The following LGSN variants were observed in gnomAD, a reference collection of about 807,000 sequenced individuals.
LGSN encodes the protein lengsin.
Under a neutral mutation model 19.5 loss-of-function variants are expected in LGSN, and 21 were observed. The ratio of observed to expected loss-of-function variants is 1.07; its 90% CI spans 0.76 to 1.55. The LOEUF (loss-of-function observed/expected upper bound fraction) is 1.55. LGSN is among the 40% of genes most tolerant of loss of function. LGSN has a pLI of 0.00. For synonymous variants in LGSN, 257 were observed against 215.6 expected (o/e 1.19, Z -1.68); for missense variants, 673 against 608.5 (o/e 1.11, Z -1.12).
chr6:63,432,178 A>AGG, the LGSN span, among the ~76,000 whole-genome samples: 45 of 92,572 alleles, frequency 4.9e-4, 1 homozygote, highest in South Asian at 1.2e-3. Flanking sequence ...AGAAAAGGAA[A>AGG]GAAAGAAAAG....
At chr6:63,492,714 C>T in the LGSN span, among the ~76,000 whole-genome samples, 81,546 of 152,050 alleles carry the variant, frequency 0.54, 23,690 homozygotes, top group African/African-American at 0.77. Flanking sequence ...AGCATGTACT[C>T]GAGGAAGACA....
chr6:63,406,155 C>T, the LGSN span, among the ~76,000 whole-genome samples: 4 of 152,184 alleles, frequency 2.6e-5, no homozygotes, highest in Non-Finnish European at 4.4e-5. Flanking sequence ...AGGAATTGAA[C>T]TCAGCTCTGC....
At chr6:63,443,383 T>TC in the LGSN span, 1,331 of 155,254 alleles carry the variant, frequency 8.6e-3, 23 homozygotes, top group African/African-American at 0.03. Flanking sequence ...AGAGAGGGGT[T>TC]CCCACAGTGC....
chr6:63,367,704 A>G, the LGSN span, among the ~76,000 whole-genome samples: 1 of 144,930 alleles, frequency 6.9e-6, no homozygotes, highest in African/African-American at 2.9e-5. Context: ...ATGTCCAACA[A>G]TGATAGAGTG....
the LGSN span, among the ~76,000 whole-genome samples, chr6:63,326,571 G>C: frequency 6.6e-6 from 1 of 152,076 alleles, no homozygotes; most frequent in African/African-American, 2.4e-5. Context: ...GGCATGGCGG[G>C]CTGCAGGTCC....
At chr6:63,284,895 A>C (rs1767464813) in intron 3 of LGSN, among the ~76,000 whole-genome samples, 1 of 152,208 alleles carries the variant, frequency 6.6e-6, no homozygotes, top group Non-Finnish European at 1.5e-5. Flanking sequence ...ATATTTTTAA[A>C]CAGTTAAACC....
chr6:63,457,300 T>G, the LGSN span, among the ~76,000 whole-genome samples: 2 of 151,604 alleles, frequency 1.3e-5, no homozygotes, highest in Admixed American at 1.3e-4. Context: ...AGGTCAGGAG[T>G]TCGAGACCAG....
At chr6:63,572,718 C>T in the LGSN span, 1 of 398,664 alleles carries the variant, frequency 2.5e-6, no homozygotes, top group East Asian at 3.6e-5. Flanking sequence ...AAACATATTC[C>T]TGTGAGTAGC....
the LGSN span, among the ~76,000 whole-genome samples, chr6:63,338,289 C>T: frequency 7.9e-5 from 12 of 152,250 alleles, no homozygotes; most frequent in African/African-American, 1.7e-4. Flanking sequence ...AACATCACCA[C>T]GATTGAGATC....
At chr6:63,564,862 C>T in the LGSN span, among the ~76,000 whole-genome samples, 1 of 152,192 alleles carries the variant, frequency 6.6e-6, no homozygotes, top group Admixed American at 6.5e-5. Flanking sequence ...TCTTCTCAAA[C>T]TAGATTCCTC....
chr6:63,440,698 G>C, the LGSN span: 1 of 152,214 alleles, frequency 6.6e-6, no homozygotes. Flanking sequence ...ACTGACCAGC[G>C]GCATTTCAGC....
chr6:63,500,202 A>G, the LGSN span, among the ~76,000 whole-genome samples: 1 of 152,182 alleles, frequency 6.6e-6, no homozygotes. Flanking sequence ...GCAGAGCTAA[A>G]GCCAAGCTAC....
the LGSN span, among the ~76,000 whole-genome samples, chr6:63,517,679 A>G: frequency 6.6e-6 from 1 of 152,136 alleles, no homozygotes; most frequent in Non-Finnish European, 1.5e-5. Context: ...TATGACTTTT[A>G]TATCAGAAAT....
the LGSN span, among the ~76,000 whole-genome samples, chr6:63,336,545 G>GTATATATATA: frequency 1.4e-5 from 2 of 138,870 alleles, no homozygotes; most frequent in African/African-American, 6.2e-5. Context: ...GTGTGTGTGT[G>GTATATATATA]TGTGTGTGTG....
Position 63,280,340 on chromosome 6 carries a change from C to A in LGSN, c.1211G>T (p.Arg404Leu). ...NIKCHGEKGT[R>L]IENKLGSATA... is the part of the protein sequence containing the mutation. The stretch of plus-strand genomic sequence containing the variant: ...TGCTGAGCCTAGTTTATTTTCTATC[C>A]GGGTGCCTTTCTCTCCATGACATTT... Residue 404 changes from arginine (R) to leucine (L), a missense_variant, in exon 4 of 4, where the codon CGG becomes CTG. Transcript: ENST00000370657. 1 of 1,614,158 alleles carries A rather than the reference C, an allele frequency of 6.2e-7. No individual in the cohort carries two copies. Among genetic ancestry groups the A allele is most frequent in the South Asian group, 1.1e-5 (1 of 91,082 alleles).
the LGSN span, among the ~76,000 whole-genome samples, chr6:63,419,880 C>CAAAAA: frequency 3.5e-5 from 2 of 57,342 alleles, no homozygotes; most frequent in Non-Finnish European, 5.9e-5. Context: ...AACTCCCTCC[C>CAAAAA]AAAAAAAAAA....
At chr6:63,526,650 A>C in the LGSN span, among the ~76,000 whole-genome samples, 1 of 151,652 alleles carries the variant, frequency 6.6e-6, no homozygotes, top group African/African-American at 2.4e-5. Context: ...TCTACTAAAA[A>C]TACAAAAATT....
At chr6:63,567,260 T>C in the LGSN span, among the ~76,000 whole-genome samples, 33 of 152,218 alleles carry the variant, frequency 2.2e-4, no homozygotes, top group African/African-American at 8.0e-4. Flanking sequence ...CTTAGATCCA[T>C]CAGAGGAATC....
At chr6:63,452,653 T>TTC in the LGSN span, among the ~76,000 whole-genome samples, 371 of 147,946 alleles carry the variant, frequency 2.5e-3, 3 homozygotes, top group African/African-American at 6.0e-3. Context: ...TATGTTATCT[T>TTC]TCTCTCTCTC....
Sources: allele counts gnomAD v4.1 joint callset (sites outside exome capture counted in the v4.1 genomes callset), GRCh38; gene constraint gnomAD v4.1.1; transcripts MANE v1.5; gene names NCBI Gene and HGNC (gene_info 2026-07-23, HGNC 2026-07-21).